Variants in SNX9 observed in about 807,000 individuals in gnomAD.
SNX9 encodes the protein sorting nexin-9.
SNX9 carries 44 observed loss-of-function variants against 89.4 expected under a neutral mutation model. The observed-to-expected ratio is 0.49, with a 90% CI of 0.39 to 0.63. The LOEUF is 0.63. SNX9 is among the 30% of genes least tolerant of loss of function. SNX9 has a pLI of 0.00. For synonymous variants in SNX9, 236 were observed against 247.8 expected, an observed-to-expected ratio of 0.95 and a Z score of 0.45; for missense variants, 578 against 736.1, an observed-to-expected ratio of 0.79 and a Z score of 2.49.
At chr6:157,870,613 C>T (rs1404167535) in intron 2 of SNX9, among the ~76,000 whole-genome samples, 1 of 149,644 alleles carries the variant, frequency 6.7e-6, no homozygotes, top group African/African-American at 2.5e-5. Flanking sequence ...CAGACACTCT[C>T]ACCTGCCCTC....
intron 10 of SNX9, among the ~76,000 whole-genome samples, 166 bp from the exon 11 acceptor site, chr6:157,926,945 C>T (rs997542449): frequency 2.6e-5 from 4 of 152,128 alleles, no homozygotes; most frequent in South Asian, 4.2e-4. Context: ...AGATTACATT[C>T]GGAGTATAAA....
At chr6:157,870,236 TCAGA>T (rs750972008) in intron 2 of SNX9, among the ~76,000 whole-genome samples, 2 of 142,874 alleles carry the variant, frequency 1.4e-5, no homozygotes, top group South Asian at 2.3e-4. Flanking sequence ...ACACATCCCC[TCAGA>T]CACTCTCACC....
chr6:157,858,414 G>T (rs1262508454), intron 1 of SNX9, among the ~76,000 whole-genome samples: 1 of 151,842 alleles, frequency 6.6e-6, no homozygotes, highest in African/African-American at 2.4e-5. Context: ...TAGAGACGGG[G>T]TCTGTCCATG....
At chr6:157,893,615 T>TGC (rs1782910099) in intron 4 of SNX9, among the ~76,000 whole-genome samples, 1 of 151,248 alleles carries the variant, frequency 6.6e-6, no homozygotes, top group Admixed American at 6.6e-5. Flanking sequence ...CATTTGTGTG[T>TGC]GTGTGTGTGT....
At chr6:157,836,323 A>G (rs1290760605) in intron 1 of SNX9, among the ~76,000 whole-genome samples, 1 of 152,188 alleles carries the variant, frequency 6.6e-6, no homozygotes, top group Non-Finnish European at 1.5e-5. Context: ...TGCTACAAGT[A>G]TTAAATTTTT....
intron 1 of SNX9, among the ~76,000 whole-genome samples, chr6:157,825,268 C>G (rs1284413813): frequency 6.6e-6 from 1 of 152,040 alleles, no homozygotes; most frequent in Non-Finnish European, 1.5e-5. Flanking sequence ...AGACGAGACT[C>G]CGTTTGAAAA....
intron 4 of SNX9, among the ~76,000 whole-genome samples, chr6:157,886,307 A>C (rs1017934563): frequency 1.3e-5 from 2 of 152,252 alleles, no homozygotes; most frequent in African/African-American, 4.8e-5. Context: ...AAAAAAAAAT[A>C]ACAAAACCAG....
chr6:157,839,940 G>A (rs1296678140), intron 1 of SNX9, among the ~76,000 whole-genome samples: 2 of 152,278 alleles, frequency 1.3e-5, no homozygotes, highest in Non-Finnish European at 2.9e-5. Context: ...ATAGCTGTTT[G>A]GATTCTCCTA....
intron 16 of SNX9, among the ~76,000 whole-genome samples, chr6:157,940,445 T>A (rs1267528994): frequency 1.3e-5 from 2 of 152,228 alleles, no homozygotes; most frequent in Non-Finnish European, 2.9e-5. Context: ...TTTGAGACAG[T>A]CTCGCTCTGT....
intron 5 of SNX9, 149 bp from the exon 6 acceptor site, chr6:157,901,749 C>T (rs1321651758): frequency 9.2e-6 from 7 of 764,762 alleles, no homozygotes; most frequent in Non-Finnish European, 1.4e-5. Flanking sequence ...TCTTAACATC[C>T]ATATTATACT....
intron 3 of SNX9, chr6:157,874,121 T>A (rs1202807474): frequency 6.6e-6 from 1 of 152,250 alleles, no homozygotes; most frequent in Non-Finnish European, 1.5e-5. Flanking sequence ...CTGGGACCTG[T>A]CTGCAGAGTG....
At chr6:157,864,074 A>C (rs1164023938) in intron 1 of SNX9, among the ~76,000 whole-genome samples, 1 of 152,190 alleles carries the variant, frequency 6.6e-6, no homozygotes, top group Non-Finnish European at 1.5e-5. Context: ...ACTTATAAAG[A>C]ACAGAATTTA....
In SNX9 at chr6:157,909,686, T is replaced by A; in HGVS notation, c.727T>A (p.Trp243Arg). Residue 243 changes from tryptophan to arginine, a missense_variant, in exon 8 of 18, where the codon TGG (tryptophan) becomes AGG (arginine). By Grantham distance (101) the Trp-to-Arg change is moderately radical. Coordinates refer to ENST00000392185, the MANE Select transcript of SNX9 (RefSeq NM_016224.5). ...PIIVGDYGPM[W>R]VYPTSTFDCV... ...ATAGGTTGGAGATTATGGCCCAATGTGGGTTTATCCTACCTCTACTTTTGA... is the reference window on the plus strand; with the variant it reads ...ATAGGTTGGAGATTATGGCCCAATGAGGGTTTATCCTACCTCTACTTTTGA... 1 of 1,614,190 alleles carries A rather than the reference T, an allele frequency of 6.2e-7. No individual in the cohort carries two copies. Among genetic ancestry groups the A allele is most frequent in the East Asian group, 2.2e-5 (1 of 44,882 alleles).
At chr6:157,935,881 C>T (rs1001997098) in intron 13 of SNX9, 83 bp from the exon 14 acceptor site, 6 of 946,790 alleles carry the variant, frequency 6.3e-6, no homozygotes, top group African/African-American at 1.7e-5. Flanking sequence ...TAAAATTTAC[C>T]AATAAAATCA....
At chr6:157,852,442 C>T (rs964996065) in intron 1 of SNX9, among the ~76,000 whole-genome samples, 3 of 152,138 alleles carry the variant, frequency 2.0e-5, no homozygotes, top group Admixed American at 6.6e-5. Context: ...TTCCTCCTCT[C>T]GCTACCATGG....
intron 14 of SNX9, 37 bp downstream of exon 14, chr6:157,936,077 T>G (rs550604836): frequency 3.3e-6 from 5 of 1,525,498 alleles, no homozygotes; most frequent in Non-Finnish European, 3.6e-6. Context: ...TTAAGATTTG[T>G]TGCTATCTAG....
chr6:157,935,587 G>A (rs1385562928), intron 13 of SNX9, among the ~76,000 whole-genome samples: 3 of 152,172 alleles, frequency 2.0e-5, no homozygotes, highest in Non-Finnish European at 2.9e-5. Context: ...GTTCTGTGCC[G>A]TATGGACCTT....
At chr6:157,920,112 G>GT (rs1783552969) in intron 9 of SNX9, among the ~76,000 whole-genome samples, 2 of 152,192 alleles carry the variant, frequency 1.3e-5, no homozygotes, top group African/African-American at 4.8e-5. Flanking sequence ...CAATGTAACT[G>GT]TAACTCGATG....
At chr6:157,931,628 G>A (rs571818854) in intron 12 of SNX9, among the ~76,000 whole-genome samples, 2 of 152,212 alleles carry the variant, frequency 1.3e-5, no homozygotes, top group Non-Finnish European at 2.9e-5. Flanking sequence ...CCCTGGTCAT[G>A]CGAAGTCTGA....
Sources: allele counts gnomAD v4.1 joint callset (sites outside exome capture counted in the v4.1 genomes callset), GRCh38; gene constraint gnomAD v4.1.1; transcripts MANE v1.5; gene names NCBI Gene and HGNC (gene_info 2026-07-23, HGNC 2026-07-21).